Variants in PLD5 observed in about 807,000 individuals in gnomAD.
PLD5 encodes the protein phospholipase D family member 5.
Under a neutral mutation model 61.1 loss-of-function variants are expected in PLD5, and 36 were observed. The ratio of observed to expected loss-of-function variants is 0.59; its 90% CI spans 0.45 to 0.78. The LOEUF (loss-of-function observed/expected upper bound fraction) is 0.78, where lower values mean the gene tolerates loss of function less well. Ranked by LOEUF, PLD5 falls within the 30% of genes least tolerant of loss-of-function variation. PLD5 has a pLI of 0.00. For missense variants in PLD5, 515 were observed against 644.4 expected (o/e 0.80, Z 2.17); for synonymous variants, 243 against 242.8 (o/e 1.00, Z -0.01).
intron 5 of PLD5, among the ~76,000 whole-genome samples, chr1:242,212,603 C>T (rs776556698): frequency 3.3e-5 from 5 of 152,014 alleles, no homozygotes; most frequent in African/African-American, 9.7e-5. Context: ...AGGCAGCAGC[C>T]GCCAGGCAGC....
chr1:242,101,792 A>G (rs1434710781), intron 8 of PLD5, among the ~76,000 whole-genome samples: 1 of 152,208 alleles, frequency 6.6e-6, no homozygotes, highest in Non-Finnish European at 1.5e-5. Context: ...AGCGTGGTAG[A>G]ACGGTGATAA....
chr1:242,195,501 T>A (rs1417848109), intron 5 of PLD5, among the ~76,000 whole-genome samples: 3 of 152,236 alleles, frequency 2.0e-5, no homozygotes, highest in South Asian at 4.1e-4. Context: ...AAATGCCAAG[T>A]GACACAGAGA....
Position 242,399,328 on chromosome 1 carries a change from T to C in PLD5, c.190-51086A>G, listed in dbSNP as rs745796557. Among the ~76,000 whole-genome samples, 2 of 152,286 alleles carry C rather than the reference T, an allele frequency of 1.3e-5. 1 individual carries two copies. The highest frequency in any genetic ancestry group is 6.8e-3 in the Middle Eastern group (2 of 294). ...TATAAAAACAAATAACGAAATCTCA[T>C]GCATTCAACATAAACATGATCAAAT... On this transcript the variant is annotated intron_variant, in intron 1 of 9. Transcript: ENST00000536534.
intron 5 of PLD5, among the ~76,000 whole-genome samples, chr1:242,191,265 G>C (rs1020889673): frequency 6.6e-6 from 1 of 151,938 alleles, no homozygotes; most frequent in African/African-American, 2.4e-5. Flanking sequence ...AAAGTTAAGA[G>C]AGTTTATTTA....
intron 5 of PLD5, among the ~76,000 whole-genome samples, chr1:242,181,005 CAAACAAAA>C (rs1216874681): frequency 1.3e-5 from 2 of 151,864 alleles, no homozygotes; most frequent in African/African-American, 2.4e-5. Flanking sequence ...AACAAACAAA[CAAACAAAA>C]AAACACAAAA....
chr1:242,305,569 TTC>T (rs1553345908), intron 2 of PLD5, among the ~76,000 whole-genome samples: 3 of 152,120 alleles, frequency 2.0e-5, no homozygotes, highest in South Asian at 4.1e-4. Flanking sequence ...TTATTTTTTT[TTC>T]TTTTTTGAGA....
At chr1:242,484,242 A>C (rs1219671271) in intron 1 of PLD5, among the ~76,000 whole-genome samples, 1 of 152,204 alleles carries the variant, frequency 6.6e-6, no homozygotes, top group Non-Finnish European at 1.5e-5. Context: ...AGACACAAAA[A>C]ACCCTTCAAA....
At chr1:242,253,724 G>T (rs1049441383) in intron 4 of PLD5, among the ~76,000 whole-genome samples, 3 of 152,112 alleles carry the variant, frequency 2.0e-5, no homozygotes, top group Non-Finnish European at 4.4e-5. Flanking sequence ...CTGTCACAAG[G>T]TTGAATATGC....
At chr1:242,223,108 G>A (rs993001049) in intron 4 of PLD5, among the ~76,000 whole-genome samples, 3 of 152,168 alleles carry the variant, frequency 2.0e-5, no homozygotes, top group East Asian at 1.9e-4. Context: ...GTCTAGTGAA[G>A]GTCGACTTTC....
intron 5 of PLD5, among the ~76,000 whole-genome samples, chr1:242,175,353 C>T (rs1309204223): frequency 6.6e-6 from 1 of 151,884 alleles, no homozygotes; most frequent in African/African-American, 2.4e-5. Flanking sequence ...ACAAAAATCA[C>T]GATTATCTCA....
intron 5 of PLD5, among the ~76,000 whole-genome samples, chr1:242,143,917 C>G (rs1222510974): frequency 1.3e-5 from 2 of 151,666 alleles, no homozygotes; most frequent in African/African-American, 4.8e-5. Context: ...TCTTGGCTCA[C>G]TACAACCTCC....
chr1:242,102,214 G>T (rs1660743706), intron 8 of PLD5, among the ~76,000 whole-genome samples: 1 of 152,188 alleles, frequency 6.6e-6, no homozygotes, highest in Non-Finnish European at 1.5e-5. Flanking sequence ...TTTTGGGAAA[G>T]ATATTATTGT....
chr1:242,376,924 A>G, intron 1 of PLD5: 2 of 1,600,700 alleles, frequency 1.2e-6, no homozygotes, highest in Non-Finnish European at 8.5e-7. Context: ...ATCTGTGGCT[A>G]TTTCTCGGCT....
intron 1 of PLD5, among the ~76,000 whole-genome samples, chr1:242,499,568 A>G (rs1668485416): frequency 6.6e-6 from 1 of 151,770 alleles, no homozygotes; most frequent in East Asian, 1.9e-4. Context: ...TCCCTTTCTT[A>G]CTTCGCATTT....
At chr1:242,416,628 A>G (rs1486435896) in intron 1 of PLD5, among the ~76,000 whole-genome samples, 1 of 152,228 alleles carries the variant, frequency 6.6e-6, no homozygotes. Context: ...CCTTCTGCTA[A>G]AAAAGAGCAA....
rs139624396 is a variant in PLD5 at position 242,199,316 on chromosome 1, G to A, written c.735+20672C>T. On this transcript the variant is annotated intron_variant, in intron 5 of 9. Transcript: ENST00000536534. ...GTCACCTAGGCTGGAGTGCAGTGGC[G>A]CAATCTTGGCTCACTGCAATCTCTG... Among the ~76,000 whole-genome samples, 700 of 151,998 alleles carry A rather than the reference G, an allele frequency of 4.6e-3. 4 individuals are homozygous for A. The highest frequency in any genetic ancestry group is 0.016 in the African/African-American group (671 of 41,446).
At chr1:242,459,428 A>C (rs1182671493) in intron 1 of PLD5, among the ~76,000 whole-genome samples, 1 of 152,142 alleles carries the variant, frequency 6.6e-6, no homozygotes, top group Non-Finnish European at 1.5e-5. Context: ...AGGATCCACT[A>C]TCGTTAATTT....
At chr1:242,188,549 T>A (rs1668050394) in intron 5 of PLD5, 1 of 152,190 alleles carries the variant, frequency 6.6e-6, no homozygotes, top group Admixed American at 6.5e-5. Flanking sequence ...AGAAAGCAGC[T>A]GCAGTTAGGA....
chr1:242,279,984 A>G (rs1674632091), intron 3 of PLD5, among the ~76,000 whole-genome samples: 1 of 152,218 alleles, frequency 6.6e-6, no homozygotes, highest in Admixed American at 6.5e-5. Flanking sequence ...TGTCCACTAA[A>G]TTTGAAAGTA....
Sources: gnomAD v4.1 joint callset for allele counts (sites outside exome capture counted in the v4.1 genomes callset) on GRCh38, gnomAD v4.1.1 for gene constraint, MANE v1.5 for transcripts, NCBI Gene and HGNC (gene_info 2026-07-23, HGNC 2026-07-21) for gene names.